TMEM135: variants seen among roughly 807,000 people sequenced by gnomAD.
TMEM135 encodes the protein peroxisomal membrane protein 52.
TMEM135 carries 30 observed loss-of-function variants against 60.3 expected under a neutral mutation model. The ratio of observed to expected loss-of-function variants is 0.50; its 90% CI spans 0.37 to 0.68. The LOEUF (loss-of-function observed/expected upper bound fraction) is 0.68. Ranked by LOEUF, TMEM135 falls within the 30% of genes least tolerant of loss-of-function variation. The pLI is 0.00. For synonymous variants in TMEM135, 190 were observed against 186.7 expected, an observed-to-expected ratio of 1.02 and a Z score of -0.14; for missense variants, 468 against 548.8, an observed-to-expected ratio of 0.85 and a Z score of 1.47.
At chr11:87,189,133 TCCTTTCCCTTTC>T (rs1202236892) in intron 5 of TMEM135, among the ~76,000 whole-genome samples, 1 of 151,506 alleles carries the variant, frequency 6.6e-6, no homozygotes, top group Non-Finnish European at 1.5e-5. Flanking sequence ...CTTTCCCTTT[TCCTTTCCCTTTC>T]CCTTTCCTTT....
intron 10 of TMEM135, among the ~76,000 whole-genome samples, chr11:87,311,122 T>C (rs191727311): frequency 6.9e-6 from 1 of 144,784 alleles, no homozygotes; most frequent in East Asian, 2.0e-4. Context: ...TATATATATA[T>C]ACGTACACAT....
intron 6 of TMEM135, among the ~76,000 whole-genome samples, chr11:87,293,350 T>C (rs1200022251): frequency 6.6e-6 from 1 of 152,058 alleles, no homozygotes; most frequent in Non-Finnish European, 1.5e-5. Context: ...GTAGATCATG[T>C]TGCTTAATTG....
At chr11:87,190,849 C>A (rs1451994927) in intron 5 of TMEM135, among the ~76,000 whole-genome samples, 1 of 152,142 alleles carries the variant, frequency 6.6e-6, no homozygotes, top group South Asian at 2.1e-4. Context: ...ATTGTATATT[C>A]ACAGACAATA....
intron 8 of TMEM135, among the ~76,000 whole-genome samples, chr11:87,305,475 T>A (rs1184659145): frequency 1.3e-5 from 2 of 152,072 alleles, no homozygotes; most frequent in African/African-American, 4.8e-5. Context: ...GTGACACACA[T>A]TTAGAAGTAG....
chr11:87,058,352 G>A (rs2135124516), intron 1 of TMEM135, among the ~76,000 whole-genome samples: 1 of 149,202 alleles, frequency 6.7e-6, no homozygotes, highest in African/African-American at 2.5e-5. Context: ...TTATTTTTTT[G>A]ACAGTCTTGC....
At chr11:87,131,040 C>T (rs867855152) in intron 4 of TMEM135, among the ~76,000 whole-genome samples, 1 of 147,820 alleles carries the variant, frequency 6.8e-6, no homozygotes, top group Admixed American at 6.7e-5. Context: ...TTTATTTATA[C>T]CCTTCCTATT....
Position 87,327,323 on chromosome 11 carries a change from A to G in TMEM135, c.*5990A>G, listed in dbSNP as rs947149595. 4.8e-5 allele frequency: 22 copies of G among 453,962 alleles called. No homozygotes were observed. The highest frequency in any genetic ancestry group is 3.8e-4 in the African/African-American group (19 of 49,992). 28.1% of individuals were successfully genotyped at this position (453,962 alleles called of 1,614,324 possible). On this transcript the variant is annotated 3_prime_UTR_variant, in exon 15 of 15. Transcript: ENST00000305494. ...AATCTGTGGCAGCAATCTTGCAGAC[A>G]TGAAATGAAAAGTACAAACATGAAA...
chr11:87,178,977 C>T (rs1357987668), intron 5 of TMEM135, among the ~76,000 whole-genome samples: 1 of 152,014 alleles, frequency 6.6e-6, no homozygotes, highest in Non-Finnish European at 1.5e-5. Context: ...AAAGTAGTTC[C>T]ATTTTACATT....
At chr11:87,164,721 G>A (rs2135278480) in intron 5 of TMEM135, among the ~76,000 whole-genome samples, 1 of 69,196 alleles carries the variant, frequency 1.4e-5, no homozygotes. Flanking sequence ...TCCTTGAGCA[G>A]TGGTTTGTAG....
chr11:87,099,774 C>T (rs554824844), intron 4 of TMEM135, among the ~76,000 whole-genome samples: 5 of 150,642 alleles, frequency 3.3e-5, no homozygotes, highest in Admixed American at 2.7e-4. Flanking sequence ...CCTCCGCCTC[C>T]CAGGTTCAAG....
chr11:87,209,793 A>T (rs1173162120), intron 5 of TMEM135, among the ~76,000 whole-genome samples: 3 of 152,208 alleles, frequency 2.0e-5, no homozygotes, highest in Non-Finnish European at 4.4e-5. Flanking sequence ...TTTTTGAGCA[A>T]ATTCAAAAAA....
intron 5 of TMEM135, among the ~76,000 whole-genome samples, chr11:87,191,163 G>A (rs1939788973): frequency 6.6e-6 from 1 of 151,900 alleles, no homozygotes; most frequent in African/African-American, 2.4e-5. Flanking sequence ...TAGAGTGAGT[G>A]TCCTAAGATA....
intron 6 of TMEM135, among the ~76,000 whole-genome samples, chr11:87,253,632 C>CATATAT (rs60680451): frequency 7.8e-6 from 1 of 128,362 alleles, no homozygotes; most frequent in Non-Finnish European, 1.6e-5. Flanking sequence ...AAGGATGAGC[C>CATATAT]ATATATATAT....
At chr11:87,187,189 A>T (rs1471514785) in intron 5 of TMEM135, among the ~76,000 whole-genome samples, 1 of 152,140 alleles carries the variant, frequency 6.6e-6, no homozygotes, top group African/African-American at 2.4e-5. Context: ...AACTCTTACA[A>T]TTTATTTCCC....
Position 87,136,796 on chromosome 11 carries a change from G to A in TMEM135, c.397-20545G>A, listed in dbSNP as rs577344385. Among the ~76,000 whole-genome samples the A allele has an allele frequency of 3.4e-4, 51 of 151,926 alleles. 2 individuals are homozygous for A. In the South Asian group the frequency reaches 7.9e-3, roughly 24 times the overall value. On this transcript the variant is annotated intron_variant, in intron 4 of 14. Coordinates refer to ENST00000305494, the MANE Select transcript of TMEM135 (RefSeq NM_022918.4). ...GTTGTCAATTAATAGAAACAAAATT[G>A]TACATAATATTTCCTCATTATCCCT...
At chr11:87,313,762 G>A (rs576075032) in intron 11 of TMEM135, among the ~76,000 whole-genome samples, 85 of 151,754 alleles carry the variant, frequency 5.6e-4, no homozygotes, top group Admixed American at 1.1e-3. Flanking sequence ...AATATAAAAA[G>A]CCTTATATTT....
chr11:87,302,206 A>G, intron 7 of TMEM135, 90 bp from the exon 8 acceptor site: 1 of 1,327,218 alleles, frequency 7.5e-7, no homozygotes, highest in Non-Finnish European at 1.0e-6. Context: ...ATACTTGCCA[A>G]AGCGTATTTG....
chr11:87,252,234 T>C (rs1941432194), intron 6 of TMEM135, among the ~76,000 whole-genome samples: 1 of 151,970 alleles, frequency 6.6e-6, no homozygotes, highest in African/African-American at 2.4e-5. Flanking sequence ...GATTGATAAA[T>C]TGGGGAATGG....
chr11:87,113,863 T>C (rs1394709678), intron 4 of TMEM135, among the ~76,000 whole-genome samples: 1 of 152,086 alleles, frequency 6.6e-6, no homozygotes, highest in Non-Finnish European at 1.5e-5. Flanking sequence ...CATCACAATA[T>C]GATCCCTATA....
Sources: gnomAD v4.1 joint callset for allele counts (sites outside exome capture counted in the v4.1 genomes callset) on GRCh38, gnomAD v4.1.1 for gene constraint, MANE v1.5 for transcripts, NCBI Gene and HGNC (gene_info 2026-07-23, HGNC 2026-07-21) for gene names.